Variants in CNTNAP5 observed in about 807,000 individuals in gnomAD.
CNTNAP5 encodes contactin associated protein family member 5, also known as contactin-associated protein-like 5.
CNTNAP5 carries 72 observed loss-of-function variants against 150.2 expected under a neutral mutation model. That is an observed-to-expected ratio of 0.48 (90% confidence interval 0.40 to 0.58). CNTNAP5 has a LOEUF of 0.58. Ranked by LOEUF, CNTNAP5 falls within the 20% of genes least tolerant of loss-of-function variation. The probability of loss-of-function intolerance (pLI) is 0.00; values close to 1 mark genes in which losing one functional copy is unlikely to be tolerated. For synonymous variants in CNTNAP5, 672 were observed against 619.8 expected (o/e 1.08, Z -1.25); for missense variants, 1,636 against 1,626.2 (o/e 1.01, Z -0.10).
At chr2:124,392,755 A>C (rs1006381452) in intron 3 of CNTNAP5, among the ~76,000 whole-genome samples, 1 of 150,314 alleles carries the variant, frequency 6.7e-6, no homozygotes, top group Non-Finnish European at 1.5e-5. Context: ...GAAGGGAAGG[A>C]GAATGAAAAA....
chr2:124,908,527 G>T (rs574207815), intron 22 of CNTNAP5, among the ~76,000 whole-genome samples: 1 of 152,104 alleles, frequency 6.6e-6, no homozygotes, highest in Non-Finnish European at 1.5e-5. Flanking sequence ...AGACTATAAC[G>T]GAGCTGAATA....
At chr2:124,488,514 T>C (rs1287135543) in intron 7 of CNTNAP5, among the ~76,000 whole-genome samples, 3 of 152,234 alleles carry the variant, frequency 2.0e-5, no homozygotes, top group Non-Finnish European at 4.4e-5. Context: ...GCTGCTGTGA[T>C]GTGCTTAACA....
intron 19 of CNTNAP5, among the ~76,000 whole-genome samples, chr2:124,834,953 G>C (rs1682798716): frequency 6.6e-6 from 1 of 151,542 alleles, no homozygotes; most frequent in South Asian, 2.1e-4. Context: ...AAAATGTATT[G>C]ACCCTTGGTT....
rs142747201 is a variant in CNTNAP5 at position 124,290,489 on chromosome 2, G to A, written c.381+48096G>A. On this transcript the variant is annotated intron_variant, in intron 3 of 23. Coordinates refer to ENST00000682447, the MANE Select transcript of CNTNAP5 (RefSeq NM_001367498.1). ...TAGAAAAGTCATCTTCAACTGCCAG[G>A]CTGGCCGCAGTACTATTTAAAACAT... is the stretch of plus-strand genomic sequence containing the variant. Among the ~76,000 whole-genome samples, 1,417 of 152,220 alleles carry A rather than the reference G, an allele frequency of 9.3e-3. 23 individuals are homozygous for A. Among genetic ancestry groups the A allele is most frequent in the African/African-American group, 0.032 (1,327 of 41,546 alleles).
At chr2:124,247,165 C>T (rs940690629) in intron 3 of CNTNAP5, among the ~76,000 whole-genome samples, 7 of 152,158 alleles carry the variant, frequency 4.6e-5, no homozygotes, top group East Asian at 1.9e-4. Flanking sequence ...TATTCTGCCA[C>T]GTTGGGCCTA....
At chr2:124,656,111 G>A (rs779999215) in intron 13 of CNTNAP5, among the ~76,000 whole-genome samples, 2 of 151,216 alleles carry the variant, frequency 1.3e-5, no homozygotes, top group Non-Finnish European at 2.9e-5. Context: ...CATTCCAGGG[G>A]AGGGAAATCT....
intron 21 of CNTNAP5, among the ~76,000 whole-genome samples, chr2:124,871,610 C>A (rs145582369): frequency 1.3e-5 from 2 of 152,258 alleles, no homozygotes; most frequent in East Asian, 3.9e-4. Flanking sequence ...ACTGGCACAT[C>A]AGTGTCCTCT....
At chr2:124,719,479 C>G (rs926697181) in intron 13 of CNTNAP5, among the ~76,000 whole-genome samples, 1 of 152,002 alleles carries the variant, frequency 6.6e-6, no homozygotes, top group Non-Finnish European at 1.5e-5. Context: ...ATCACAGGAT[C>G]GGGAAGGAAG....
chr2:124,574,229 C>T (rs1479006556), intron 11 of CNTNAP5, among the ~76,000 whole-genome samples: 2 of 152,104 alleles, frequency 1.3e-5, no homozygotes, highest in Non-Finnish European at 2.9e-5. Flanking sequence ...TGAGTCAGAT[C>T]CTCTCTGCCA....
chr2:124,684,980 A>C (rs1397024130), intron 13 of CNTNAP5, among the ~76,000 whole-genome samples: 1 of 152,130 alleles, frequency 6.6e-6, no homozygotes, highest in Non-Finnish European at 1.5e-5. Context: ...TACAGATGGT[A>C]GCCCTCAACA....
At chr2:124,203,739 T>A (rs971008030) in intron 1 of CNTNAP5, among the ~76,000 whole-genome samples, 3 of 152,138 alleles carry the variant, frequency 2.0e-5, no homozygotes, top group African/African-American at 7.2e-5. Context: ...TGGCCCTTTT[T>A]AGCCATGGTT....
chr2:124,632,866 G>A (rs957651200), intron 12 of CNTNAP5, among the ~76,000 whole-genome samples: 4 of 152,154 alleles, frequency 2.6e-5, no homozygotes, highest in Admixed American at 1.3e-4. Context: ...AGAAAGGGAA[G>A]CAGAAGCAGG....
intron 1 of CNTNAP5, among the ~76,000 whole-genome samples, chr2:124,144,582 C>T (rs1442629999): frequency 6.1e-5 from 6 of 99,150 alleles, no homozygotes; most frequent in Non-Finnish European, 1.0e-4. Context: ...GGAAAACTGG[C>T]TAGCCATATG....
rs113627718 is a variant in CNTNAP5, at chr2:124,289,559, C to T, written c.381+47166C>T. Among the ~76,000 whole-genome samples, 348 of 152,202 alleles carry T rather than the reference C, an allele frequency of 2.3e-3. 1 individual carries two copies. The highest frequency in any genetic ancestry group is 7.6e-3 in the African/African-American group (314 of 41,548). ...AAAATTGTTTCAGCATTAGAAGAAA[C>T]GTAATAAAATGAAATCTATACATTT... On this transcript the variant is annotated intron_variant, in intron 3 of 23. Transcript: ENST00000682447.
At chr2:124,030,871 A>G (rs1000211687) in intron 1 of CNTNAP5, among the ~76,000 whole-genome samples, 3 of 152,148 alleles carry the variant, frequency 2.0e-5, no homozygotes, top group Admixed American at 2.0e-4. Context: ...ACATGTTGAC[A>G]TGACGGGTTG....
At chr2:124,282,641 T>C (rs1688042472) in intron 3 of CNTNAP5, among the ~76,000 whole-genome samples, 2 of 151,704 alleles carry the variant, frequency 1.3e-5, no homozygotes, top group South Asian at 2.1e-4. Context: ...TTTGCATGAA[T>C]GTTTCCAAGG....
intron 13 of CNTNAP5, among the ~76,000 whole-genome samples, chr2:124,706,792 A>AGGAGG (rs1558742981): frequency 2.0e-3 from 50 of 24,520 alleles, no homozygotes; most frequent in Non-Finnish European, 3.4e-3. Context: ...GAAGAAGAAG[A>AGGAGG]AGAAGGAGGA....
chr2:124,387,931 C>A (rs1272973061), intron 3 of CNTNAP5, among the ~76,000 whole-genome samples: 2 of 152,086 alleles, frequency 1.3e-5, no homozygotes, highest in African/African-American at 4.8e-5. Context: ...CTGGGGAATG[C>A]AATCCTAGAG....
chr2:124,486,656 C>T (rs998772625), intron 7 of CNTNAP5, among the ~76,000 whole-genome samples: 14 of 152,142 alleles, frequency 9.2e-5, no homozygotes, highest in African/African-American at 2.4e-4. Context: ...TCATATGTCA[C>T]CTGATCACAG....
Sources: allele counts gnomAD v4.1 joint callset (sites outside exome capture counted in the v4.1 genomes callset), GRCh38; gene constraint gnomAD v4.1.1; transcripts MANE v1.5; gene names NCBI Gene and HGNC (gene_info 2026-07-23, HGNC 2026-07-21).